Variants in INO80C observed in about 807,000 individuals in gnomAD.
The protein encoded by INO80C is INO80 complex subunit C.
A neutral mutation model predicts 17.7 loss-of-function variants in INO80C; 17 were observed. The observed-to-expected ratio is 0.96, with a 90% CI of 0.66 to 1.44. INO80C has a LOEUF of 1.44. Among genes scored for constraint, INO80C ranks in the 40% most tolerant of loss-of-function variants. The pLI, the probability that INO80C is intolerant of heterozygous loss-of-function variation, is 0.00. For synonymous variants in INO80C, 96 were observed against 95.8 expected (o/e 1.00, Z -0.01); for missense variants, 244 against 245.0 (o/e 1.00, Z 0.03).
intron 2 of INO80C, among the ~76,000 whole-genome samples, 193 bp downstream of exon 2, chr18:35,480,260 T>C (rs890166718): frequency 6.6e-6 from 1 of 152,150 alleles, no homozygotes; most frequent in Non-Finnish European, 1.5e-5. Context: ...ACCCAAATCC[T>C]TGGGATATGG....
intron 1 of INO80C, among the ~76,000 whole-genome samples, chr18:35,493,524 T>C (rs1454343885): frequency 6.6e-6 from 1 of 152,244 alleles, no homozygotes; most frequent in Non-Finnish European, 1.5e-5. Context: ...GTTTTTGTAC[T>C]ACTAAATTAT....
At chr18:35,486,876 ATT>A (rs1262953341) in intron 1 of INO80C, among the ~76,000 whole-genome samples, 3 of 152,154 alleles carry the variant, frequency 2.0e-5, no homozygotes, top group South Asian at 2.1e-4. Context: ...TAGGATTCTA[ATT>A]AATAAATCTA....
intron 4 of INO80C, among the ~76,000 whole-genome samples, chr18:35,471,752 C>G (rs2045672433): frequency 6.7e-6 from 1 of 148,466 alleles, no homozygotes; most frequent in Non-Finnish European, 1.5e-5. Flanking sequence ...TATCCCTCCC[C>G]CCTCCCTGCA....
intron 2 of INO80C, among the ~76,000 whole-genome samples, chr18:35,480,013 C>A (rs2045786265): frequency 6.6e-6 from 1 of 151,592 alleles, no homozygotes. Context: ...ACAGTATAAT[C>A]TGAACTGCTG....
chr18:35,487,744 T>TA, intron 1 of INO80C: 1 of 152,886 alleles, frequency 6.5e-6, no homozygotes, highest in African/African-American at 2.4e-5. Flanking sequence ...CTCAAAGTCT[T>TA]AACTCATTTC....
intron 1 of INO80C, among the ~76,000 whole-genome samples, chr18:35,494,305 T>C (rs1349801218): frequency 6.6e-6 from 1 of 152,222 alleles, no homozygotes; most frequent in East Asian, 1.9e-4. Context: ...CTCCGAGTTA[T>C]TCAAGCAGAC....
At chr18:35,474,838 A>G (rs2045715839) in intron 4 of INO80C, among the ~76,000 whole-genome samples, 1 of 152,170 alleles carries the variant, frequency 6.6e-6, no homozygotes, top group Non-Finnish European at 1.5e-5. Context: ...GTGAGTAAAG[A>G]ACTTGAAGAC....
intron 1 of INO80C, among the ~76,000 whole-genome samples, chr18:35,494,995 A>G (rs2045967118): frequency 6.6e-6 from 1 of 152,250 alleles, no homozygotes. Context: ...CTGAAACAGA[A>G]CAGAAAGGTT....
In INO80C at chr18:35,497,822, C is replaced by G. The variant is rs1161649748; in HGVS notation, c.53G>C (p.Arg18Pro). 6.2e-7 allele frequency: 1 copy of G among 1,610,290 alleles called. No individual in the cohort carries two copies. The highest frequency in any genetic ancestry group is 1.7e-5 in the Admixed American group (1 of 59,668). Residue 18 changes from arginine (R) to proline (P), a missense_variant, in exon 1 of 5, where the codon CGG becomes CCG. Arg to Pro is a moderately radical substitution (Grantham distance 103). Coordinates refer to ENST00000334598, the MANE Select transcript of INO80C (RefSeq NM_194281.4). Reference protein sequence around the residue: ...VATTSTPGIVRNSKKRPASPS... With the variant: ...VATTSTPGIVPNSKKRPASPS... ...GCTGGCCGGCCTCTTCTTGCTGTTC[C>G]GGACTATTCCGGGAGTGGAAGTGGT... is the stretch of plus-strand genomic sequence containing the variant.
chr18:35,476,684 T>A (rs1189013896), intron 4 of INO80C, among the ~76,000 whole-genome samples: 1 of 151,980 alleles, frequency 6.6e-6, no homozygotes, highest in Non-Finnish European at 1.5e-5. Flanking sequence ...AGGACAACAG[T>A]TCTTAGATTG....
intron 2 of INO80C, among the ~76,000 whole-genome samples, chr18:35,479,675 T>TAA (rs1164991553): frequency 6.8e-6 from 1 of 146,812 alleles, no homozygotes. Context: ...TATATGCACG[T>TAA]AAAAAAAAAA....
chr18:35,493,331 C>A lies in INO80C; in HGVS notation c.156+4388G>T, dbSNP rs140076627. 3.6e-3 allele frequency among the ~76,000 whole-genome samples: 549 copies of A among 152,268 alleles called. 2 individuals carry two copies. Among genetic ancestry groups the A allele is most frequent in the African/African-American group, 0.012 (515 of 41,560 alleles). On this transcript the variant is annotated intron_variant, in intron 1 of 4. Transcript: ENST00000334598. ...AAAATTAATCCCTTCAAAGTAACAA[C>A]CAGAGTGAATGGAAGACTGCACTTT...
intron 4 of INO80C, among the ~76,000 whole-genome samples, chr18:35,472,561 G>C (rs355301): frequency 0.77 from 117,871 of 152,112 alleles, 45,857 homozygotes; most frequent in East Asian, 0.97. Flanking sequence ...CCTGTTCACT[G>C]TGATGGTAGT....
chr18:35,486,952 A>C (rs355322), intron 1 of INO80C, among the ~76,000 whole-genome samples: 120,601 of 152,018 alleles, frequency 0.79, 48,034 homozygotes, highest in East Asian at 0.98. Context: ...TAACTATTTC[A>C]AGCAAAAGCT....
chr18:35,477,973 G>T (rs2045756725), intron 4 of INO80C, among the ~76,000 whole-genome samples: 1 of 152,222 alleles, frequency 6.6e-6, no homozygotes, highest in African/African-American at 2.4e-5. Context: ...CATCTAAAAT[G>T]CAGGTTTTTA....
At position 35,482,926 on chromosome 18, in the gene INO80C, C is replaced by T. The variant is rs114610529; in HGVS notation, c.157-2363G>A. Among the ~76,000 whole-genome samples, 484 of 152,318 alleles carry T rather than the reference C, an allele frequency of 3.2e-3. 2 individuals carry two copies. Among genetic ancestry groups the T allele is most frequent in the African/African-American group, 0.011 (454 of 41,570 alleles). On this transcript the variant is annotated intron_variant, in intron 1 of 4. Transcript: ENST00000334598. Reference sequence around the variant, plus strand: ...TTTCAATGCAAGCATGATGATGCTCCGCTACTTAAATCTGGCCAGTGGTTT... The same window carrying T: ...TTTCAATGCAAGCATGATGATGCTCTGCTACTTAAATCTGGCCAGTGGTTT...
At chr18:35,495,911 A>G (rs1014839956) in intron 1 of INO80C, among the ~76,000 whole-genome samples, 5 of 152,218 alleles carry the variant, frequency 3.3e-5, no homozygotes, top group Non-Finnish European at 5.9e-5. Context: ...AAAGTGATTG[A>G]TATCATTAGC....
Position 35,478,341 on chromosome 18 carries a change from TA to T in INO80C, c.387del (p.Ser129ArgfsTer56), listed in dbSNP as rs758504362. The T allele has an allele frequency of 6.4e-7, 1 of 1,559,464 alleles. No individual in the cohort carries two copies. Among genetic ancestry groups the T allele is most frequent in the Non-Finnish European group, 8.7e-7 (1 of 1,153,826 alleles). ...PWQLNDPNYFSIDAPPSFKPA... is the reference protein window; with the variant it reads ...PWQLNDPNYFXIDAPPSFKPA... ...GGCTTAAAGGATGGAGGAGCATCAA[TA>T]CTGAAGTCTGGGAAAAAAAAAAAAA... On this transcript the variant is annotated frameshift_variant, in exon 4 of 5. Coordinates refer to ENST00000334598, the MANE Select transcript of INO80C (RefSeq NM_194281.4). LOFTEE classifies it high-confidence loss of function.
chr18:35,497,480 T>C (rs2045995554), intron 1 of INO80C: 3 of 1,320,418 alleles, frequency 2.3e-6, no homozygotes, highest in Non-Finnish European at 1.9e-6. Context: ...CTTCTATTAA[T>C]ACTAAGTCAG....
Sources: gnomAD v4.1 joint callset for allele counts (sites outside exome capture counted in the v4.1 genomes callset) on GRCh38, gnomAD v4.1.1 for gene constraint, MANE v1.5 for transcripts, NCBI Gene and HGNC (gene_info 2026-07-23, HGNC 2026-07-21) for gene names.